The following DOC2B variants were observed in gnomAD, a reference collection of about 807,000 sequenced individuals.
DOC2B encodes the protein double C2-like domain-containing protein beta.
Under a neutral mutation model 28.9 loss-of-function variants are expected in DOC2B, and 21 were observed. The ratio of observed to expected loss-of-function variants is 0.73; its 90% CI spans 0.52 to 1.05. The LOEUF is 1.05. Among genes scored for constraint, DOC2B ranks in the 50% least tolerant of loss-of-function variants. DOC2B has a pLI of 0.00. For missense variants in DOC2B, 384 were observed against 421.1 expected, an observed-to-expected ratio of 0.91 and a Z score of 0.77; for synonymous variants, 194 against 178.1, an observed-to-expected ratio of 1.09 and a Z score of -0.71.
At chr17:169,353 G>A (rs2040285922) in intron 2 of DOC2B, among the ~76,000 whole-genome samples, 1 of 151,816 alleles carries the variant, frequency 6.6e-6, no homozygotes, top group African/African-American at 2.4e-5. Context: ...GGGGCCAGGG[G>A]AGGAGGAAGG....
At chr17:148,591 T>C (rs932993456) in intron 7 of DOC2B, among the ~76,000 whole-genome samples, 4 of 151,962 alleles carry the variant, frequency 2.6e-5, no homozygotes, top group Non-Finnish European at 2.9e-5. Context: ...TGCTGACCCC[T>C]CCCTTCTCTG....
chr17:174,161 C>G (rs2040343309), intron 1 of DOC2B, among the ~76,000 whole-genome samples: 1 of 152,194 alleles, frequency 6.6e-6, no homozygotes, highest in African/African-American at 2.4e-5. Context: ...TCTAGATCAT[C>G]CCCTTCTAAC....
intron 2 of DOC2B, among the ~76,000 whole-genome samples, chr17:166,424 A>T (rs1272735736): frequency 5.3e-5 from 8 of 152,160 alleles, no homozygotes; most frequent in African/African-American, 1.7e-4. Flanking sequence ...CCAGCTTGGG[A>T]GTTGGCAAGA....
chr17:156,663 C>T (rs2040139709), intron 5 of DOC2B, among the ~76,000 whole-genome samples: 2 of 152,234 alleles, frequency 1.3e-5, no homozygotes, highest in South Asian at 4.1e-4. Context: ...GCAACTGCAG[C>T]CCGGGGGCCA....
In DOC2B at chr17:161,963, C is replaced by T. The variant is rs115102180; in HGVS notation, c.638+118G>A. On this transcript the variant is annotated intron_variant, in intron 4 of 8. Transcript: ENST00000613549. ...TCTTCAAGCCCCCAAGCTGGAGTTG[C>T]TGGCATGAGGTTGAACCCACAGGGG... 3,359 of 728,744 alleles carry T rather than the reference C, an allele frequency of 4.6e-3. 74 individuals carry two copies. In the African/African-American group the frequency reaches 0.053, roughly 11 times the overall value. 45.1% of individuals were successfully genotyped at this position (728,744 alleles called of 1,614,324 possible).
intron 5 of DOC2B, among the ~76,000 whole-genome samples, chr17:157,839 A>T (rs541314000): frequency 6.6e-6 from 1 of 152,280 alleles, no homozygotes; most frequent in African/African-American, 2.4e-5. Flanking sequence ...GAATGGAGGG[A>T]CAGATGGTCC....
At chr17:176,467 C>T (rs535240788) in intron 1 of DOC2B, among the ~76,000 whole-genome samples, 4 of 152,316 alleles carry the variant, frequency 2.6e-5, no homozygotes, top group African/African-American at 7.2e-5. Context: ...GCAATCCTCC[C>T]GCCTTCACCT....
chr17:175,430 C>A (rs1383310561), intron 1 of DOC2B, among the ~76,000 whole-genome samples: 1 of 152,218 alleles, frequency 6.6e-6, no homozygotes, highest in Non-Finnish European at 1.5e-5. Flanking sequence ...ACAGCCACAG[C>A]CCGAGATGCA....
intron 5 of DOC2B, among the ~76,000 whole-genome samples, chr17:159,497 G>A (rs1426273606): frequency 3.9e-5 from 6 of 152,130 alleles, no homozygotes; most frequent in South Asian, 2.1e-4. Context: ...GGCGGCACAC[G>A]CCTGTAGTCC....
At chr17:147,620 A>G (rs2040030081) in intron 8 of DOC2B, 43 bp from the exon 9 acceptor site, 1 of 398,868 alleles carries the variant, frequency 2.5e-6, no homozygotes, top group Non-Finnish European at 4.4e-6. Flanking sequence ...AGGGACCCCC[A>G]ACTCCCAGGC....
intron 2 of DOC2B, among the ~76,000 whole-genome samples, chr17:166,494 G>A (rs2040266294): frequency 6.6e-6 from 1 of 152,364 alleles, no homozygotes; most frequent in Middle Eastern, 3.4e-3. Context: ...TGGTTTGGCG[G>A]TGTCCCCACC....
chr17:163,839 A>G (rs1165700879), intron 3 of DOC2B: 1 of 390,042 alleles, frequency 2.6e-6, no homozygotes, highest in African/African-American at 2.0e-5. Context: ...AATGCTTCTT[A>G]TAAAATGCTG....
intron 6 of DOC2B, among the ~76,000 whole-genome samples, chr17:150,405 C>T (rs1193257588): frequency 6.6e-6 from 1 of 151,918 alleles, no homozygotes; most frequent in Non-Finnish European, 1.5e-5. Context: ...CCATGTCCAG[C>T]TTAACCTGCA....
In DOC2B at chr17:158,761, G is replaced by T. The variant is rs145836038; in HGVS notation, c.766-2384C>A. Among the ~76,000 whole-genome samples, 829 of 152,280 alleles carry T rather than the reference G, an allele frequency of 5.4e-3. 5 individuals are homozygous for T. Among genetic ancestry groups the T allele is most frequent in the African/African-American group, 0.019 (777 of 41,570 alleles). On this transcript the variant is annotated intron_variant, in intron 5 of 8. Transcript: ENST00000613549. ...GAAAATTAAACAATATAAACTAGCA[G>T]GGGCCAGGCACAGTGACTCATGCCT...
Position 147,443 on chromosome 17 carries a change from A to C in DOC2B, c.1237T>G (p.Ter413GlyextTer103). The C allele has an allele frequency of 2.5e-6, 1 of 398,846 alleles. No individual in the cohort carries two copies. The highest frequency in any genetic ancestry group is 4.4e-6 in the Non-Finnish European group (1 of 226,222). The allele number at this position is 398,846 out of a possible 1,614,324, so 24.7% of individuals were successfully genotyped here. A position where few individuals can be genotyped will look rare whatever the true frequency, so the allele number is the denominator to read the frequency against. ...SELPGAVLSD[*>G] ...GGGGTAGCAGTGGCGGGTGGGCGTC[A>C]GTCGCTGAGCACAGCCCCTGGGAGC... is the stretch of plus-strand genomic sequence containing the variant. Residue 413 changes from the stop codon to glycine, a stop_lost, in exon 9 of 9, where the codon TGA becomes GGA. Coordinates refer to ENST00000613549, the MANE Select transcript of DOC2B (RefSeq NM_003585.5).
At chr17:152,533 C>T (rs1310830105) in intron 6 of DOC2B, among the ~76,000 whole-genome samples, 3 of 152,158 alleles carry the variant, frequency 2.0e-5, no homozygotes, top group Non-Finnish European at 2.9e-5. Context: ...TTTGGGAGGC[C>T]GAGCTAGGAG....
In DOC2B at chr17:161,538, G is replaced by T. The variant is rs2040204179; in HGVS notation, c.642C>A (p.Ile214=). 6.4e-7 allele frequency: 1 copy of T among 1,551,680 alleles called. No individual in the cohort carries two copies. Among genetic ancestry groups the T allele is most frequent in the Non-Finnish European group, 8.7e-7 (1 of 1,146,990 alleles). Residue 214 remains isoleucine, a synonymous_variant, in exon 5 of 9, where the codon ATC becomes ATA. Coordinates refer to ENST00000613549, the MANE Select transcript of DOC2B (RefSeq NM_003585.5). ...GGAATTTGTCCTCGTCACACACAGAGATCCTAGAGGGGGCGGTGGTGAGGG... is the reference window on the plus strand; with the variant it reads ...GGAATTTGTCCTCGTCACACACAGATATCCTAGAGGGGGCGGTGGTGAGGG... ...DEDMIRKTLR[I]SVCDEDKFRH...
chr17:161,771 G>A (rs111316526), intron 4 of DOC2B, among the ~76,000 whole-genome samples: 29 of 152,338 alleles, frequency 1.9e-4, no homozygotes, highest in African/African-American at 7.0e-4. Context: ...ACAGGAGAAG[G>A]CAGAACCAGT....
chr17:150,915 C>T (rs1008058603), intron 6 of DOC2B, among the ~76,000 whole-genome samples: 1 of 152,252 alleles, frequency 6.6e-6, no homozygotes, highest in East Asian at 1.9e-4. Context: ...TGAAAGAAGC[C>T]GGACTCACAG....
Sources: gnomAD v4.1 joint callset for allele counts (sites outside exome capture counted in the v4.1 genomes callset) on GRCh38, gnomAD v4.1.1 for gene constraint, MANE v1.5 for transcripts, NCBI Gene and HGNC (gene_info 2026-07-23, HGNC 2026-07-21) for gene names.